Variants in CIC observed in about 807,000 individuals in gnomAD.
The protein encoded by CIC is capicua transcriptional repressor.
In CIC, 18 loss-of-function variants were observed where a neutral mutation model predicts 115.7. The ratio of observed to expected loss-of-function variants is 0.16; its 90% CI spans 0.11 to 0.23. The LOEUF is 0.23. Ranked by LOEUF, CIC falls within the 10% of genes least tolerant of loss-of-function variation. The pLI is 1.00. For missense variants in CIC, 2,000 were observed against 2,159.3 expected (o/e 0.93, Z 1.46); for synonymous variants, 1,076 against 923.0 (o/e 1.17, Z -3.01).
rs2147252919 is a variant in CIC, at chr19:42,290,409, C to G, written c.4368C>G (p.Ala1456=). The G allele has an allele frequency of 6.2e-7, 1 of 1,614,122 alleles. No individual in the cohort carries two copies. The highest frequency in any genetic ancestry group is 1.1e-5 in the South Asian group (1 of 91,084). Residue 1456 remains alanine, a synonymous_variant, in exon 11 of 21, where the codon GCC becomes GCG. Coordinates refer to ENST00000681038, the MANE Select transcript of CIC (RefSeq NM_001386298.1). ...CTGCTTCCTCCTCAGCCTCGGCAGC[C>G]ACCTCCTTCTCACTGGGCTCAGGAA... ...SSPASSSASA[A]TSFSLGSGTF...
chr19:42,284,902 C>T (rs1462575553), intron 2 of CIC: 11 of 853,316 alleles, frequency 1.3e-5, no homozygotes, highest in Middle Eastern at 2.4e-4. Context: ...GGGAAAGTTA[C>T]GGAGCTCGGC....
chr19:42,293,223 G>GC lies in CIC; in HGVS notation c.6470dup (p.Leu2158ThrfsTer6). The GC allele has an allele frequency of 6.3e-7, 1 of 1,595,008 alleles. No homozygotes were observed. Reference sequence around the variant, plus strand: ...ACCTGGACTCCCACGGCCCGGAGCAGCCCCCCACTGCCCCCACCTGCTGAG... The same window carrying GC: ...ACCTGGACTCCCACGGCCCGGAGCAGCCCCCCCACTGCCCCCACCTGCTGAG... On this transcript the variant is annotated frameshift_variant, in exon 16 of 21. Coordinates refer to ENST00000681038, the MANE Select transcript of CIC (RefSeq NM_001386298.1). LOFTEE classifies it high-confidence loss of function.
rs754808317 is a variant in CIC, at chr19:42,295,136, C to A, written c.7499C>A (p.Ala2500Asp). ...CCTGGACAGCCTGGCTGGGAGGGGG[C>A]TCCCCAGCCCTCCCCCCCACCCCCA... ...SGPGQPGWEGAPQPSPPPPGP... is the reference protein window; with the variant it reads ...SGPGQPGWEGDPQPSPPPPGP... The change falls in exon 21 of 21, where the codon GCT becomes GAT. Residue 2500 changes from alanine (A) to aspartate (D), a missense_variant. This residue lies in a region of CIC where 133 missense variants were observed against 116.0 expected (regional missense o/e 1.15). Transcript: ENST00000681038. 8.9e-5 allele frequency: 129 copies of A among 1,443,320 alleles called. No homozygotes were observed. Among genetic ancestry groups the A allele is most frequent in the Non-Finnish European group, 1.1e-4 (121 of 1,085,690 alleles). 89.4% of individuals were successfully genotyped at this position (1,443,320 alleles called of 1,614,324 possible).
At chr19:42,292,056 A>C in intron 12 of CIC, 30 bp from the exon 13 acceptor site, 1 of 1,612,320 alleles carries the variant, frequency 6.2e-7, no homozygotes, top group Non-Finnish European at 8.5e-7. Flanking sequence ...GCCACAGCTC[A>C]CCCTGGCCTA....
rs772636832 is a variant in CIC at position 42,287,366 on chromosome 19, G to C, written c.3226G>C (p.Gly1076Arg). The C allele has an allele frequency of 1.9e-6, 3 of 1,614,058 alleles. No individual in the cohort carries two copies. Among genetic ancestry groups the C allele is most frequent in the Non-Finnish European group, 2.5e-6 (3 of 1,180,016 alleles). ...TGAGATCCAGTTGCCTCTACCGCCC[G>C]GAAAACGTCGGACCCAGTCCCTCAG... The part of the protein sequence containing the change: ...SPEIQLPLPP[G>R]KRRTQSLSAL... Residue 1076 changes from glycine to arginine, a missense_variant, in exon 5 of 21, where the codon GGA (glycine) becomes CGA (arginine). This residue lies in a region of CIC where 222 missense variants were observed against 247.7 expected (regional missense o/e 0.90). Transcript: ENST00000681038. The surrounding 1 kb of genome is among the most constrained non-coding windows in gnomAD (Gnocchi z 8.7).
chr19:42,287,965 T>C lies in CIC; in HGVS notation c.3648T>C (p.Ala1216=). ...ERSMSETGTA[A]APGVSSELLS... ...GCATGTCGGAGACGGGCACTGCTGC[T>C]GCCCCTGGGGGTTAGTCAGCCCCTT... The change falls in exon 7 of 21, where the codon GCT becomes GCC. Residue 1216 remains alanine (A), a synonymous_variant. Coordinates refer to ENST00000681038, the MANE Select transcript of CIC (RefSeq NM_001386298.1). The surrounding 1 kb of genome is among the most constrained non-coding windows in gnomAD (Gnocchi z 8.7). The C allele has an allele frequency of 6.3e-7, 1 of 1,593,970 alleles. No individual in the cohort carries two copies. The highest frequency in any genetic ancestry group is 1.3e-5 in the African/African-American group (1 of 74,820).
chr19:42,283,235 A>T (rs1454373915), intron 2 of CIC, among the ~76,000 whole-genome samples: 1 of 151,760 alleles, frequency 6.6e-6, no homozygotes, highest in Non-Finnish European at 1.5e-5. Context: ...GAGTGTGTGT[A>T]GTGGACAAGC....
rs763296329 is a variant in CIC at position 42,292,457 on chromosome 19, C to G, written c.5893C>G (p.Leu1965Val). The G allele has an allele frequency of 9.9e-6, 16 of 1,611,288 alleles. No homozygotes were observed. The Middle Eastern group carries it at 5.0e-4, about 50-fold the overall frequency. The stretch of plus-strand genomic sequence containing the variant: ...CAGCGGCCCCGCCTTCGTGCAGCCC[C>G]TGCTCTCAGGTGAGGGGCGGCCTGG... Reference protein sequence around the residue: ...GPSGPAFVQPLLSAGQAPLLA... With the variant: ...GPSGPAFVQPVLSAGQAPLLA... The change falls in exon 14 of 21, where the codon CTG becomes GTG. Residue 1965 changes from leucine to valine, a missense_variant. Physicochemically the swap from Leu to Val is conservative, Grantham distance 32. Transcript: ENST00000681038.
intron 7 of CIC, among the ~76,000 whole-genome samples, chr19:42,288,296 A>T (rs2037809240): frequency 6.6e-6 from 1 of 152,224 alleles, no homozygotes; most frequent in Admixed American, 6.5e-5. Flanking sequence ...ACTGAGGTTC[A>T]GAGAGGCAAA....
chr19:42,271,457 G>C (rs1016587747), intron 1 of CIC, among the ~76,000 whole-genome samples: 1 of 152,220 alleles, frequency 6.6e-6, no homozygotes, highest in African/African-American at 2.4e-5. Flanking sequence ...AGGACACAGG[G>C]AGTGCTCCAT....
rs2037715670 is a variant in CIC at position 42,287,172 on chromosome 19, G to A, written c.3111G>A (p.Glu1037=). 4.3e-6 allele frequency: 7 copies of A among 1,613,616 alleles called. No homozygotes were observed. The highest frequency in any genetic ancestry group is 1.1e-5 in the South Asian group (1 of 91,080). Residue 1037 remains glutamate, a synonymous_variant, in exon 4 of 21, where the codon GAG becomes GAA. Transcript: ENST00000681038. The surrounding 1 kb of genome is among the most constrained non-coding windows in gnomAD (Gnocchi z 8.7). ...GTAAGGGTCCGCCTCCCACCACGGAGGAGGAGGCCTCCGGCCCCCCAGGAG... is the reference window on the plus strand; with the variant it reads ...GTAAGGGTCCGCCTCCCACCACGGAAGAGGAGGCCTCCGGCCCCCCAGGAG... ...ESGKGPPPTT[E]EEASGPPGEP...
chr19:42,280,724 C>T lies in CIC; in HGVS notation c.2795-6047C>T, dbSNP rs1195827861. 6.6e-6 allele frequency among the ~76,000 whole-genome samples: 1 copy of T among 152,072 alleles called. No homozygotes were observed. The highest frequency in any genetic ancestry group is 1.5e-5 in the Non-Finnish European group (1 of 67,990). ...CTTTGTGGAGCCTGCCGGGGGTTGG[C>T]TGGGGGCCAGGCGGCGAGTGGAAAA... On this transcript the variant is annotated intron_variant, in intron 2 of 20. Coordinates refer to ENST00000681038, the MANE Select transcript of CIC (RefSeq NM_001386298.1). This position sits in a 1 kb window ranked among gnomAD's most constrained non-coding sequence, Gnocchi z 4.9.
At position 42,273,707 on chromosome 19, in the gene CIC, G is replaced by T; in HGVS notation, c.1924G>T (p.Ala642Ser). The T allele has an allele frequency of 2.5e-6, 1 of 398,774 alleles. No homozygotes were observed. Among genetic ancestry groups the T allele is most frequent in the Non-Finnish European group, 4.4e-6 (1 of 226,148 alleles). The allele number at this position is 398,774 out of a possible 1,614,324, so 24.7% of individuals were successfully genotyped here. Residue 642 changes from alanine to serine, a missense_variant, in exon 2 of 21, where the codon GCC becomes TCC. Ala to Ser is a moderately conservative substitution (Grantham distance 99, BLOSUM62 1). This residue lies in a region of CIC where 222 missense variants were observed against 247.7 expected (regional missense o/e 0.90). Coordinates refer to ENST00000681038, the MANE Select transcript of CIC (RefSeq NM_001386298.1). ...CTCACCACTCTTCGGCTTCCGCCCT[G>T]CCAACTTTAGCCCCATCAATGCCTC... The part of the protein sequence containing the change: ...SPSPLFGFRP[A>S]NFSPINASPV...
In CIC at chr19:42,291,599, T is replaced by C. The variant is rs781446896; in HGVS notation, c.5467T>C (p.Ser1823Pro). ...SPVQAPPPGGSAQLLPGKVLV... is the reference protein window; with the variant it reads ...SPVQAPPPGGPAQLLPGKVLV... ...CGTGCAGGCCCCGCCCCCGGGTGGC[T>C]CAGCCCAGCTGCTGCCTGGGAAGGT... Residue 1823 changes from serine (S) to proline (P), a missense_variant, in exon 12 of 21, where the codon TCA becomes CCA. This residue lies in a region of CIC where 1,466 missense variants were observed against 1,390.4 expected (regional missense o/e 1.05). Transcript: ENST00000681038. 1.2e-6 allele frequency: 2 copies of C among 1,612,938 alleles called. No homozygotes were observed. Among genetic ancestry groups the C allele is most frequent in the South Asian group, 1.1e-5 (1 of 91,072 alleles).
At chr19:42,278,087 GC>G (rs1193158857) in intron 2 of CIC, among the ~76,000 whole-genome samples, 1 of 152,244 alleles carries the variant, frequency 6.6e-6, no homozygotes, top group Non-Finnish European at 1.5e-5. Flanking sequence ...GCCTGCTCCT[GC>G]CCCCAGCCAG....
chr19:42,293,942 C>T lies in CIC; in HGVS notation c.6775C>T (p.Leu2259=), dbSNP rs2147338856. ...ACCCTGCCGGCCCTCCAGCAGGGTCCTGTCAGAAGTGGACTTCGAAGAGCG... is the reference window on the plus strand; with the variant it reads ...ACCCTGCCGGCCCTCCAGCAGGGTCTTGTCAGAAGTGGACTTCGAAGAGCG... ...KTFDSVDNRV[L]SEVDFEERFA... Residue 2259 remains leucine, a synonymous_variant, in exon 18 of 21, where the codon CTG becomes TTG. Transcript: ENST00000681038. 1 of 1,613,224 alleles carries T rather than the reference C, an allele frequency of 6.2e-7. No individual in the cohort carries two copies. Among genetic ancestry groups the T allele is most frequent in the Admixed American group, 1.7e-5 (1 of 60,030 alleles).
chr19:42,292,735 C>G lies in CIC; in HGVS notation c.6072C>G (p.Pro2024=), dbSNP rs998933503. ...SAPLAQPSQA[P]PSLVYTVATS... ...CCCTGGCCCAGCCATCCCAGGCCCC[C>G]CCAAGCCTGGTCTACACTGTGGCCA... The change falls in exon 15 of 21, where the codon CCC becomes CCG. Residue 2024 remains proline (P), a synonymous_variant. Coordinates refer to ENST00000681038, the MANE Select transcript of CIC (RefSeq NM_001386298.1). 8 of 1,613,660 alleles carry G rather than the reference C, an allele frequency of 5.0e-6. No homozygotes were observed. The highest frequency in any genetic ancestry group is 1.7e-5 in the Admixed American group (1 of 59,996).
Position 42,289,317 on chromosome 19 carries a change from C to G in CIC, c.3998C>G (p.Ser1333Cys), listed in dbSNP as rs764440532. 2 of 1,614,116 alleles carry G rather than the reference C, an allele frequency of 1.2e-6. No individual in the cohort carries two copies. The highest frequency in any genetic ancestry group is 8.5e-7 in the Non-Finnish European group (1 of 1,180,012). ...GRPPLLPTRASRSQRAASEDM... is the reference protein window; with the variant it reads ...GRPPLLPTRACRSQRAASEDM... ...CCCCCGCTGCTGCCCACCCGAGCTT[C>G]TCGTTCTCAGCGTGCGGCCAGTGAG... is the stretch of plus-strand genomic sequence containing the variant. Residue 1333 changes from serine (S) to cysteine (C), a missense_variant, in exon 9 of 21, where the codon TCT (serine) becomes TGT (cysteine). Transcript: ENST00000681038.
At position 42,273,475 on chromosome 19, in the gene CIC, G is replaced by A. The variant is rs572653812; in HGVS notation, c.1692G>A (p.Thr564=). The change falls in exon 2 of 21, where the codon ACG becomes ACA. Residue 564 remains threonine, a synonymous_variant. Coordinates refer to ENST00000681038, the MANE Select transcript of CIC (RefSeq NM_001386298.1). The stretch of plus-strand genomic sequence containing the variant: ...CGGAGTTTGACTGGGGTGATGAGAC[G>A]TCGAGGGACAGTGAGGCCAGCAGTG... ...GSTEFDWGDE[T]SRDSEASSVA... 4.5e-5 allele frequency: 18 copies of A among 398,548 alleles called. No individual in the cohort carries two copies. Among genetic ancestry groups the A allele is most frequent in the African/African-American group, 2.7e-4 (13 of 48,746 alleles). The allele number at this position is 398,548 out of a possible 1,614,324, so 24.7% of individuals were successfully genotyped here.
Sources: allele counts gnomAD v4.1 joint callset (sites outside exome capture counted in the v4.1 genomes callset), GRCh38; gene constraint gnomAD v4.1.1; regional missense constraint gnomAD v4.1.1; non-coding constraint Gnocchi (gnomAD v3.1); transcripts MANE v1.5; gene names NCBI Gene and HGNC (gene_info 2026-07-23, HGNC 2026-07-21).